Variants in OAT observed in about 807,000 individuals in gnomAD.
OAT encodes ornithine aminotransferase, mitochondrial.
A neutral mutation model predicts 48.4 loss-of-function variants in OAT; 35 were observed. The ratio of observed to expected loss-of-function variants is 0.72; its 90% CI spans 0.55 to 0.96. OAT has a LOEUF of 0.96. OAT is among the 40% of genes least tolerant of loss of function. The pLI is 0.00. For synonymous variants in OAT, 182 were observed against 198.4 expected (o/e 0.92, Z 0.70); for missense variants, 438 against 537.9 (o/e 0.81, Z 1.84).
intron 5 of OAT, among the ~76,000 whole-genome samples, chr10:124,404,962 T>A (rs572751411): frequency 2.4e-4 from 36 of 152,328 alleles, no homozygotes; most frequent in African/African-American, 8.4e-4. Context: ...GAGGATCACT[T>A]GAACCCAGGA....
intron 5 of OAT, 62 bp downstream of exon 5, chr10:124,405,374 T>C (rs1370564370): frequency 1.0e-5 from 16 of 1,605,908 alleles, no homozygotes; most frequent in Non-Finnish European, 8.5e-7. Flanking sequence ...TTTTAATTCA[T>C]ATATTCAACA....
Position 124,400,954 on chromosome 10 carries a change from C to T in OAT, c.1045G>A (p.Ala349Thr). 2 of 1,611,258 alleles carry T rather than the reference C, an allele frequency of 1.2e-6. No homozygotes were observed. The highest frequency in any genetic ancestry group is 1.7e-6 in the Non-Finnish European group (2 of 1,178,498). ...CTCAAGATAATGCCCAATTTGTCTGCATTTTCAGCAAGGTTTTCTTCTTCT... is the reference window on the plus strand; with the variant it reads ...CTCAAGATAATGCCCAATTTGTCTGTATTTTCAGCAAGGTTTTCTTCTTCT... The part of the protein sequence containing the change: ...VLEEENLAEN[A>T]DKLGIILRNE... The change falls in exon 9 of 10, where the codon GCA becomes ACA. Residue 349 changes from alanine to threonine, a missense_variant. Physicochemically the swap from Ala to Thr is moderately conservative, Grantham distance 58. Coordinates refer to ENST00000368845, the MANE Select transcript of OAT (RefSeq NM_000274.4).
Position 124,411,976 on chromosome 10 carries a change from T to C in OAT, c.196A>G (p.Lys66Glu), listed in dbSNP as rs1398575947. 6.2e-7 allele frequency: 1 copy of C among 1,613,850 alleles called. No individual in the cohort carries two copies. Among genetic ancestry groups the C allele is most frequent in the East Asian group, 2.2e-5 (1 of 44,892 alleles). Residue 66 changes from lysine to glutamate, a missense_variant, in exon 2 of 10, where the codon AAA becomes GAA. Physicochemically the swap from Lys to Glu is moderately conservative, Grantham distance 56. Coordinates refer to ENST00000368845, the MANE Select transcript of OAT (RefSeq NM_000274.4). ...HPLPVALERG[K>E]GIYLWDVEGR... ...GACGGATTAATTTGAAACGTACCTT[T>C]TCCTCTCTCCAGGGCTACAGGTAAA...
intron 9 of OAT, among the ~76,000 whole-genome samples, chr10:124,399,384 C>T (rs1458983458): frequency 6.9e-6 from 1 of 145,948 alleles, no homozygotes; most frequent in African/African-American, 2.5e-5. Flanking sequence ...CTCACTCTGC[C>T]GCCCAGGCTG....
intron 1 of OAT, among the ~76,000 whole-genome samples, chr10:124,415,559 C>T (rs748757200): frequency 9.9e-5 from 15 of 152,236 alleles, no homozygotes; most frequent in Non-Finnish European, 1.8e-4. Flanking sequence ...GTTCAAGTTA[C>T]TGTGCTTGGC....
At chr10:124,402,613 G>A (rs1951442978) in intron 7 of OAT, among the ~76,000 whole-genome samples, 1 of 152,136 alleles carries the variant, frequency 6.6e-6, no homozygotes. Flanking sequence ...TAAACAATTA[G>A]TAATATGCCA....
intron 8 of OAT, 128 bp from the exon 9 acceptor site, chr10:124,401,112 C>T (rs768683420): frequency 3.1e-6 from 2 of 652,358 alleles, no homozygotes; most frequent in Non-Finnish European, 5.3e-6. Context: ...ACTTTCATTG[C>T]TATTTTTCAA....
chr10:124,411,110 A>AGGT (rs1158269832), intron 2 of OAT, among the ~76,000 whole-genome samples: 1 of 121,294 alleles, frequency 8.2e-6, no homozygotes, highest in East Asian at 2.9e-4. Context: ...ATTGCACTCC[A>AGGT]GCCTGGGTGA....
At chr10:124,402,347 T>C (rs997758016) in intron 7 of OAT, among the ~76,000 whole-genome samples, 1 of 152,236 alleles carries the variant, frequency 6.6e-6, no homozygotes, top group Non-Finnish European at 1.5e-5. Flanking sequence ...ATTTTGCAAC[T>C]AAAAGAGAAA....
At position 124,415,070 on chromosome 10, in the gene OAT, G is replaced by GCAAGACTGTGT. The variant is rs1554868944; in HGVS notation, c.-29-2871_-29-2870insACACAGTCTTG. ...CCAGCACTCCAGCCTGGGCTACAAA[G>GCAAGACTGTGT]CGCTAAAAAAAAAAAAAAAAAAAAA... On this transcript the variant is annotated intron_variant, in intron 1 of 9. Transcript: ENST00000368845. The GCAAGACTGTGT allele has an allele frequency of 1.0e-4, 4 of 39,348 alleles. 1 individual carries two copies. The highest frequency in any genetic ancestry group is 2.8e-4 in the African/African-American group (3 of 10,704). 2.4% of individuals were successfully genotyped at this position (39,348 alleles called of 1,614,324 possible). A position where few individuals can be genotyped will look rare whatever the true frequency, so the allele number is the denominator to read the frequency against.
chr10:124,400,834 C>T lies in OAT; in HGVS notation c.1159+6G>A. ...ATTATCTTGAGTAAATGTTTTATCT[C>T]CATACCTTTGGTTTCTTTAATGACA... is the stretch of plus-strand genomic sequence containing the variant. On this transcript the variant is annotated splice_donor_region_variant and intron_variant, in intron 9 of 9. Transcript: ENST00000368845. The T allele has an allele frequency of 6.3e-7, 1 of 1,587,164 alleles. No homozygotes were observed. The highest frequency in any genetic ancestry group is 1.3e-5 in the African/African-American group (1 of 74,718).
chr10:124,413,461 G>T (rs1237960545), intron 1 of OAT, among the ~76,000 whole-genome samples: 1 of 152,120 alleles, frequency 6.6e-6, no homozygotes, highest in Admixed American at 6.6e-5. Flanking sequence ...AGAGGCAGGC[G>T]ATCACCTGAA....
At chr10:124,404,270 CA>C (rs1206272997) in intron 5 of OAT, among the ~76,000 whole-genome samples, 2 of 138,386 alleles carry the variant, frequency 1.4e-5, no homozygotes, top group African/African-American at 2.6e-5. Context: ...TATTTATTTT[CA>C]TTTTTTTTTT....
chr10:124,416,120 G>C (rs1039467025), intron 1 of OAT, among the ~76,000 whole-genome samples: 1 of 152,012 alleles, frequency 6.6e-6, no homozygotes, highest in Non-Finnish European at 1.5e-5. Context: ...GTCCCTCCTA[G>C]AGACTCCCAG....
intron 1 of OAT, chr10:124,415,048 G>GCACTCCA (rs1373871920): frequency 8.8e-6 from 1 of 113,998 alleles, no homozygotes; most frequent in Non-Finnish European, 1.6e-5. Context: ...TGTGCCACCA[G>GCACTCCA]CACTCCAGCC....
intron 8 of OAT, 111 bp from the exon 9 acceptor site, chr10:124,401,095 GAACTT>G (rs1370579535): frequency 1.4e-6 from 1 of 692,450 alleles, no homozygotes; most frequent in Non-Finnish European, 2.5e-6. Flanking sequence ...AATACCAGAG[GAACTT>G]AACTTTCATT....
At chr10:124,408,181 ATACGTAT>A (rs1951635804) in intron 4 of OAT, among the ~76,000 whole-genome samples, 5 of 151,862 alleles carry the variant, frequency 3.3e-5, no homozygotes, top group Admixed American at 3.3e-4. Context: ...CATTCAGCAA[ATACGTAT>A]CATGTACCAG....
rs1446645779 is a variant in OAT, at chr10:124,408,329, A to G, written c.520+213T>C. On this transcript the variant is annotated intron_variant, in intron 4 of 9. Transcript: ENST00000368845. ...TGTGTGTGTGTGTGTATATATATAT[A>G]TATATATATATATATTTTTTTTTTT... Among the ~76,000 whole-genome samples, 731 of 90,476 alleles carry G rather than the reference A, an allele frequency of 8.1e-3. 17 individuals are homozygous for G. The East Asian group carries it at 0.088, about 11-fold the overall frequency. 59.4% of individuals were successfully genotyped at this position (90,476 alleles called of 152,430 possible).
At chr10:124,399,338 CTTTTTTTTTTT>C (rs937720307) in intron 9 of OAT, among the ~76,000 whole-genome samples, 3 of 58,764 alleles carry the variant, frequency 5.1e-5, no homozygotes, top group African/African-American at 1.7e-4. Flanking sequence ...CCAGGTGATT[CTTTTTTTTTTT>C]TTTTTTTTTT....
Sources: gnomAD v4.1 joint callset for allele counts (sites outside exome capture counted in the v4.1 genomes callset) on GRCh38, gnomAD v4.1.1 for gene constraint, MANE v1.5 for transcripts, NCBI Gene and HGNC (gene_info 2026-07-23, HGNC 2026-07-21) for gene names.